DMRT1: variants seen among roughly 807,000 people sequenced by gnomAD.
DMRT1 encodes the protein doublesex and mab-3 related transcription factor 1.
Under a neutral mutation model 32.3 loss-of-function variants are expected in DMRT1, and 7 were observed. That is an observed-to-expected ratio of 0.22 (90% CI 0.12 to 0.41). The LOEUF (loss-of-function observed/expected upper bound fraction) is 0.41, where lower values mean the gene tolerates loss of function less well. Ranked by LOEUF, DMRT1 falls within the 10% of genes least tolerant of loss-of-function variation. DMRT1 has a pLI of 1.00. For missense variants in DMRT1, 625 were observed against 500.5 expected (o/e 1.25, Z -2.37); for synonymous variants, 278 against 206.1 (o/e 1.35, Z -2.99).
intron 4 of DMRT1, among the ~76,000 whole-genome samples, chr9:931,846 C>G (rs1375969573): frequency 2.0e-5 from 3 of 152,168 alleles, no homozygotes; most frequent in African/African-American, 7.2e-5. Flanking sequence ...AGACTACATT[C>G]AGTCACTAAC....
chr9:915,793 C>T (rs927073823), intron 3 of DMRT1, among the ~76,000 whole-genome samples: 1 of 150,752 alleles, frequency 6.6e-6, no homozygotes, highest in South Asian at 2.1e-4. Context: ...AGTGCAGTGG[C>T]GCGATCTCGG....
intron 2 of DMRT1, among the ~76,000 whole-genome samples, chr9:853,304 T>C (rs988217953): frequency 6.6e-6 from 1 of 152,136 alleles, no homozygotes; most frequent in Non-Finnish European, 1.5e-5. Context: ...TGATGTACTT[T>C]TTAATGGGTT....
chr9:937,695 G>T (rs751858724), intron 4 of DMRT1, among the ~76,000 whole-genome samples: 2 of 151,990 alleles, frequency 1.3e-5, no homozygotes, highest in Non-Finnish European at 2.9e-5. Context: ...AAATTGGGTT[G>T]TTTGGTTTTT....
At position 968,249 on chromosome 9, in the gene DMRT1, G is replaced by A. The variant is rs1820001093; in HGVS notation, c.*110G>A. The A allele has an allele frequency of 3.0e-5, 41 of 1,371,972 alleles. No individual in the cohort carries two copies. Among genetic ancestry groups the A allele is most frequent in the Non-Finnish European group, 4.0e-5 (40 of 994,716 alleles). The allele number at this position is 1,371,972 out of a possible 1,614,324, so 85.0% of individuals were successfully genotyped here. A position where few individuals can be genotyped will look rare whatever the true frequency, so the allele number is the denominator to read the frequency against. ...TCATACTATCTTAACTGTTGAGAACGTATTTGGTTTATATTCCTTAGAGTT... is the reference window on the plus strand; with the variant it reads ...TCATACTATCTTAACTGTTGAGAACATATTTGGTTTATATTCCTTAGAGTT... On this transcript the variant is annotated 3_prime_UTR_variant, in exon 5 of 5. Coordinates refer to ENST00000382276, the MANE Select transcript of DMRT1 (RefSeq NM_021951.3).
chr9:955,134 T>C (rs1172279451), intron 4 of DMRT1, among the ~76,000 whole-genome samples: 1 of 151,872 alleles, frequency 6.6e-6, no homozygotes, highest in African/African-American at 2.4e-5. Flanking sequence ...GGGGAGGGCC[T>C]GGAGAAAGGA....
intron 3 of DMRT1, among the ~76,000 whole-genome samples, chr9:910,938 G>A (rs532225593): frequency 1.3e-5 from 2 of 152,248 alleles, no homozygotes; most frequent in Admixed American, 1.3e-4. Context: ...GAAACAAGGA[G>A]GCATTTCACA....
At chr9:955,601 G>T (rs904502252) in intron 4 of DMRT1, among the ~76,000 whole-genome samples, 5 of 152,180 alleles carry the variant, frequency 3.3e-5, no homozygotes, top group African/African-American at 1.2e-4. Context: ...AGCTACTGGG[G>T]AGGCTGAGGT....
intron 4 of DMRT1, among the ~76,000 whole-genome samples, chr9:945,188 C>A (rs191033740): frequency 1.3e-5 from 2 of 152,060 alleles, no homozygotes; most frequent in African/African-American, 4.8e-5. Context: ...GAGTCTTGCT[C>A]TGTTGCCCAG....
At position 968,165 on chromosome 9, in the gene DMRT1, C is replaced by T. The variant is rs747047606; in HGVS notation, c.*26C>T. 1.9e-6 allele frequency: 3 copies of T among 1,613,330 alleles called. No homozygotes were observed. The highest frequency in any genetic ancestry group is 1.7e-5 in the Admixed American group (1 of 60,012). On this transcript the variant is annotated 3_prime_UTR_variant, in exon 5 of 5. Transcript: ENST00000382276. ...GCAGTGCCTGCTGCCGATGGCGGTT[C>T]ACTTGGAGTAACAGGCTTATTCCAC...
chr9:902,491 A>ATT (rs58603191), intron 3 of DMRT1, among the ~76,000 whole-genome samples: 15 of 135,572 alleles, frequency 1.1e-4, no homozygotes, highest in African/African-American at 3.5e-4. Context: ...CTCCCACCAC[A>ATT]TTTTTTTTTT....
intron 4 of DMRT1, among the ~76,000 whole-genome samples, chr9:944,013 G>T (rs1218855121): frequency 1.3e-5 from 2 of 152,124 alleles, no homozygotes; most frequent in African/African-American, 4.8e-5. Flanking sequence ...TCAGACCTGG[G>T]TCATCACTTA....
intron 2 of DMRT1, among the ~76,000 whole-genome samples, chr9:852,485 T>G (rs938141629): frequency 2.6e-5 from 4 of 152,170 alleles, no homozygotes; most frequent in Non-Finnish European, 4.4e-5. Context: ...TTGTTTTGTT[T>G]TATTTAATAT....
chr9:902,590 G>A (rs1431472812), intron 3 of DMRT1, among the ~76,000 whole-genome samples: 1 of 151,466 alleles, frequency 6.6e-6, no homozygotes, highest in Non-Finnish European at 1.5e-5. Flanking sequence ...CCGGGTTCAA[G>A]CGATTCTCCT....
chr9:848,556 T>C (rs539485238), intron 2 of DMRT1, among the ~76,000 whole-genome samples: 1 of 143,136 alleles, frequency 7.0e-6, no homozygotes, highest in African/African-American at 2.5e-5. Context: ...TCCTTTCTTT[T>C]TTTTTTTTTT....
intron 4 of DMRT1, among the ~76,000 whole-genome samples, chr9:923,178 G>A (rs1031494118): frequency 6.6e-6 from 1 of 152,138 alleles, no homozygotes; most frequent in South Asian, 2.1e-4. Flanking sequence ...TTTAGGAAAA[G>A]GTCATCTGGC....
At chr9:950,867 G>A (rs931632075) in intron 4 of DMRT1, among the ~76,000 whole-genome samples, 3 of 152,024 alleles carry the variant, frequency 2.0e-5, no homozygotes, top group Non-Finnish European at 4.4e-5. Flanking sequence ...ATCACTTTTT[G>A]TTACTACAAA....
intron 4 of DMRT1, among the ~76,000 whole-genome samples, chr9:930,203 C>G (rs1483234927): frequency 6.6e-6 from 1 of 152,050 alleles, no homozygotes; most frequent in East Asian, 1.9e-4. Context: ...TAGGATGGAG[C>G]TAGATTGTTC....
At chr9:902,887 G>T (rs956727939) in intron 3 of DMRT1, among the ~76,000 whole-genome samples, 4 of 152,092 alleles carry the variant, frequency 2.6e-5, no homozygotes, top group Non-Finnish European at 4.4e-5. Context: ...CTGCTGTCAG[G>T]TACATGGTGA....
chr9:893,234 G>C (rs1817221276), intron 2 of DMRT1, among the ~76,000 whole-genome samples: 1 of 152,202 alleles, frequency 6.6e-6, no homozygotes. Context: ...TATTGGAATT[G>C]ACAATAAACA....
Sources: gnomAD v4.1 joint callset for allele counts (sites outside exome capture counted in the v4.1 genomes callset) on GRCh38, gnomAD v4.1.1 for gene constraint, MANE v1.5 for transcripts, NCBI Gene and HGNC (gene_info 2026-07-23, HGNC 2026-07-21) for gene names.